The following MASP1 variants were observed in gnomAD, a reference collection of about 807,000 sequenced individuals.
The protein encoded by MASP1 is mannan-binding lectin serine protease 1.
Under a neutral mutation model 77.1 loss-of-function variants are expected in MASP1, and 59 were observed. The ratio of observed to expected loss-of-function variants is 0.77; its 90% CI spans 0.62 to 0.95. The LOEUF is 0.95. Among genes scored for constraint, MASP1 ranks in the 40% least tolerant of loss-of-function variants. The pLI, the probability that MASP1 is intolerant of heterozygous loss-of-function variation, is 0.00. For missense variants in MASP1, 885 were observed against 912.9 expected (o/e 0.97, Z 0.39); for synonymous variants, 362 against 354.5 (o/e 1.02, Z -0.24).
At chr3:187,232,635 T>C (rs780692687), downstream of MASP1, among the ~76,000 whole-genome samples, 1 of 152,202 alleles carries the variant, frequency 6.6e-6, no homozygotes, top group Non-Finnish European at 1.5e-5. Context: ...GGTAAATCCC[T>C]AGGAGAAGGA....
intron 2 of MASP1, among the ~76,000 whole-genome samples, chr3:187,272,955 T>C (rs1312259303): frequency 6.6e-6 from 1 of 152,176 alleles, no homozygotes; most frequent in Non-Finnish European, 1.5e-5. Flanking sequence ...TACAGAACTG[T>C]TGTAAATAGG....
chr3:187,224,919 G>A (rs907357761), intron 13 of MASP1, among the ~76,000 whole-genome samples: 2 of 152,158 alleles, frequency 1.3e-5, no homozygotes, highest in African/African-American at 4.8e-5. Flanking sequence ...TGGCCCCATA[G>A]GGCCCCTTTT....
At chr3:187,221,388 G>A (rs1712052639) in intron 14 of MASP1, among the ~76,000 whole-genome samples, 1 of 152,152 alleles carries the variant, frequency 6.6e-6, no homozygotes, top group Non-Finnish European at 1.5e-5. Flanking sequence ...GCCCTCTCTG[G>A]GCCTCAGATC....
At chr3:187,232,239 T>G (rs538123150), downstream of MASP1, among the ~76,000 whole-genome samples, 8 of 135,270 alleles carry the variant, frequency 5.9e-5, no homozygotes, top group Non-Finnish European at 1.3e-4. Flanking sequence ...CCCCCCCCCC[T>G]TTTTTTTTCC....
intron 2 of MASP1, among the ~76,000 whole-genome samples, chr3:187,270,176 A>C (rs951485309): frequency 5.9e-5 from 9 of 152,224 alleles, no homozygotes; most frequent in African/African-American, 2.2e-4. Context: ...TACTATTTCC[A>C]AATTTAGGCC....
At chr3:187,280,115 C>T (rs1579580762) in intron 2 of MASP1, among the ~76,000 whole-genome samples, 2 of 152,116 alleles carry the variant, frequency 1.3e-5, no homozygotes, top group East Asian at 1.9e-4. Flanking sequence ...CCAAGAAGAT[C>T]CTTCTGGATA....
chr3:187,245,060 T>G (rs1403615503), intron 8 of MASP1: 1 of 152,220 alleles, frequency 6.6e-6, no homozygotes, highest in Non-Finnish European at 1.5e-5. Flanking sequence ...TCAAGACAAC[T>G]GGTTTTGTCC....
Position 187,235,822 on chromosome 3 carries a change from C to T in MASP1, c.2049G>A (p.Leu683=), listed in dbSNP as rs1401879849. Residue 683 remains leucine (L), a synonymous_variant, in exon 11 of 11, where the codon CTG becomes CTA. Transcript: ENST00000296280. Reference sequence around the variant, plus strand: ...ATTCTTCAGGTCCCCCCCAGGACACCAGGCCTTGCACCACCCAGCGCTGGC... The same window carrying T: ...ATTCTTCAGGTCCCCCCCAGGACACTAGGCCTTGCACCACCCAGCGCTGGC... ...DLSQRWVVQG[L]VSWGGPEECG... is the part of the protein sequence containing the mutation. 1.2e-6 allele frequency: 2 copies of T among 1,614,194 alleles called. No individual in the cohort carries two copies. Among genetic ancestry groups the T allele is most frequent in the Non-Finnish European group, 1.7e-6 (2 of 1,180,024 alleles).
chr3:187,264,981 G>T (rs942873708), intron 2 of MASP1, among the ~76,000 whole-genome samples: 51 of 152,010 alleles, frequency 3.4e-4, no homozygotes, highest in Admixed American at 2.7e-3. Flanking sequence ...TGCATTTTGG[G>T]CCATCTCCTT....
chr3:187,241,652 T>A, intron 9 of MASP1, 97 bp from the exon 10 acceptor site: 1 of 830,092 alleles, frequency 1.2e-6, no homozygotes, highest in South Asian at 1.4e-5. Flanking sequence ...TAAAGTGAGT[T>A]ATTACAAAGT....
chr3:187,259,400 T>C (rs147398964), intron 4 of MASP1, among the ~76,000 whole-genome samples: 25 of 152,262 alleles, frequency 1.6e-4, no homozygotes, highest in African/African-American at 5.8e-4. Context: ...TAAAATTCCT[T>C]CTTGGTGGGG....
chr3:187,234,699 G>T lies in MASP1; in HGVS notation c.*985C>A. ...TGGCAGGATTTGGGTGACTTCTAAT[G>T]TGCCCACCCCACTCTTTCTTCCATT... On this transcript the variant is annotated 3_prime_UTR_variant, in exon 11 of 11. Coordinates refer to ENST00000296280, the MANE Select transcript of MASP1 (RefSeq NM_139125.4). 7.8e-7 allele frequency: 1 copy of T among 1,287,138 alleles called. No homozygotes were observed. 79.7% of individuals were successfully genotyped at this position (1,287,138 alleles called of 1,614,324 possible).
chr3:187,244,049 T>C (rs921362796), intron 8 of MASP1: 1 of 240,330 alleles, frequency 4.2e-6, no homozygotes, highest in African/African-American at 2.2e-5. Flanking sequence ...TAATCTTTTG[T>C]TCTTCTAGTC....
Position 187,251,682 on chromosome 3 carries a change from G to A in MASP1, c.963C>T (p.Phe321=). ...KIEPSQAKYF[F]KDQVLVSCDT... The stretch of plus-strand genomic sequence containing the variant: ...CACAGCTGACGAGCACTTGGTCTTT[G>A]AAGAAATACTTGGCTTGGGAGGGCT... The change falls in exon 7 of 11, where the codon TTC becomes TTT. Residue 321 remains phenylalanine (F), a synonymous_variant. Coordinates refer to ENST00000296280, the MANE Select transcript of MASP1 (RefSeq NM_139125.4). The A allele has an allele frequency of 1.9e-6, 3 of 1,614,164 alleles. No individual in the cohort carries two copies. In the South Asian group the frequency reaches 3.3e-5, roughly 18 times the overall value.
rs142602897 is a variant in MASP1, at chr3:187,246,595, C to T, written c.1091-2974G>A. On this transcript the variant is annotated intron_variant, in intron 8 of 10. Coordinates refer to ENST00000296280, the MANE Select transcript of MASP1 (RefSeq NM_139125.4). Reference sequence around the variant, plus strand: ...AGCAGAGATTCCAGCTGCCACTCCCCAGCCCTTTCTCTATCACTGTTTAGG... The same window carrying T: ...AGCAGAGATTCCAGCTGCCACTCCCTAGCCCTTTCTCTATCACTGTTTAGG... 282 of 985,708 alleles carry T rather than the reference C, an allele frequency of 2.9e-4. 3 individuals are homozygous for T. In the African/African-American group the frequency reaches 4.6e-3, roughly 16 times the overall value. The allele number at this position is 985,708 out of a possible 1,614,324, so 61.1% of individuals were successfully genotyped here.
At chr3:187,251,554 G>T in intron 7 of MASP1, 80 bp downstream of exon 7, 1 of 1,096,788 alleles carries the variant, frequency 9.1e-7, no homozygotes, top group Non-Finnish European at 1.4e-6. Flanking sequence ...AGTTCTGGCA[G>T]CCCATCTGCC....
chr3:187,272,254 T>A lies in MASP1; in HGVS notation c.238-9534A>T, dbSNP rs185630968. 3.3e-5 allele frequency among the ~76,000 whole-genome samples: 5 copies of A among 152,366 alleles called. 1 individual carries two copies. The highest frequency in any genetic ancestry group is 1.3e-4 in the Admixed American group (2 of 15,304). ...AACATCTGTGCCCTTTGTTGACTTC[T>A]CAAGAGTGAGTCAAATTGTGAATTG... On this transcript the variant is annotated intron_variant, in intron 2 of 10. Coordinates refer to ENST00000296280, the MANE Select transcript of MASP1 (RefSeq NM_139125.4).
In MASP1 at chr3:187,241,546, G is replaced by C; in HGVS notation, c.1238C>G (p.Thr413Ser). The C allele has an allele frequency of 6.2e-7, 1 of 1,612,486 alleles. No individual in the cohort carries two copies. Among genetic ancestry groups the C allele is most frequent in the Non-Finnish European group, 8.5e-7 (1 of 1,178,570 alleles). ...KMLNNNTGIYTCSAQGVWMNK... is the reference protein window; with the variant it reads ...KMLNNNTGIYSCSAQGVWMNK... ...CATCCAGACTCCTTGGGCAGAACAG[G>C]TATATATACCTGGATTAGTGAAAGA... Residue 413 changes from threonine (T) to serine (S), a missense_variant, in exon 10 of 11, where the codon ACC becomes AGC. Coordinates refer to ENST00000296280, the MANE Select transcript of MASP1 (RefSeq NM_139125.4).
chr3:187,256,636 C>T (rs746383442), intron 5 of MASP1, 28 bp downstream of exon 5: 2 of 1,611,954 alleles, frequency 1.2e-6, no homozygotes, highest in Admixed American at 1.7e-5. Context: ...TCCAGCATCT[C>T]CAGGACAAGT....
Sources: gnomAD v4.1 joint callset for allele counts (sites outside exome capture counted in the v4.1 genomes callset) on GRCh38, gnomAD v4.1.1 for gene constraint, MANE v1.5 for transcripts, NCBI Gene and HGNC (gene_info 2026-07-23, HGNC 2026-07-21) for gene names.